The following ATL1 variants were observed in gnomAD, a reference collection of about 807,000 sequenced individuals.
ATL1 encodes the protein atlastin GTPase 1, also known as atlastin-1.
In ATL1, 31 loss-of-function variants were observed where a neutral mutation model predicts 75.5. The observed-to-expected ratio is 0.41, with a 90% CI of 0.31 to 0.55. The LOEUF is 0.55. Ranked by LOEUF, ATL1 falls within the 20% of genes least tolerant of loss-of-function variation. ATL1 has a pLI of 0.27. For missense variants in ATL1, 405 were observed against 662.6 expected (o/e 0.61, Z 4.27); for synonymous variants, 226 against 233.3 (o/e 0.97, Z 0.28).
At chr14:50,612,859 T>C (rs2039378759) in intron 6 of ATL1, among the ~76,000 whole-genome samples, 3 of 152,170 alleles carry the variant, frequency 2.0e-5, no homozygotes, top group Admixed American at 1.3e-4. Context: ...ATTAAAACAA[T>C]TTCTTTATAA....
intron 1 of ATL1, among the ~76,000 whole-genome samples, chr14:50,552,142 ATAAATGAG>A (rs2038710530): frequency 6.6e-6 from 1 of 152,238 alleles, no homozygotes; most frequent in Non-Finnish European, 1.5e-5. Context: ...TCTAGACCTG[ATAAATGAG>A]TTCAGTAAAG....
At chr14:50,580,402 GGTTTT>G (rs1427003723) in intron 1 of ATL1, among the ~76,000 whole-genome samples, 1 of 151,596 alleles carries the variant, frequency 6.6e-6, no homozygotes, top group Non-Finnish European at 1.5e-5. Context: ...AGGTTTTTTT[GGTTTT>G]GTTTTCTTTC....
chr14:50,588,314 T>G (rs1241089899), intron 2 of ATL1, among the ~76,000 whole-genome samples: 1 of 152,244 alleles, frequency 6.6e-6, no homozygotes, highest in Non-Finnish European at 1.5e-5. Flanking sequence ...ACTTATATTT[T>G]TATTCTTTTA....
At chr14:50,620,769 A>G in intron 9 of ATL1, 43 bp downstream of exon 9, 1 of 1,607,694 alleles carries the variant, frequency 6.2e-7, no homozygotes. Context: ...TAGATTTGAC[A>G]TATATTGGAT....
chr14:50,593,013 C>CA (rs1210436237), intron 4 of ATL1, among the ~76,000 whole-genome samples: 5 of 144,520 alleles, frequency 3.5e-5, no homozygotes, highest in African/African-American at 1.3e-4. Flanking sequence ...ATATAATGTA[C>CA]AATATGATAT....
chr14:50,586,174 A>G (rs777676953), intron 1 of ATL1, among the ~76,000 whole-genome samples: 3 of 152,178 alleles, frequency 2.0e-5, no homozygotes, highest in Non-Finnish European at 4.4e-5. Context: ...AGATATTTTC[A>G]AAAATTTAGA....
intron 1 of ATL1, among the ~76,000 whole-genome samples, chr14:50,539,358 T>C (rs1276481258): frequency 6.6e-6 from 1 of 152,216 alleles, no homozygotes; most frequent in Non-Finnish European, 1.5e-5. Context: ...TGAGAGTACA[T>C]GAAAACAAGA....
chr14:50,620,215 A>G (rs2039454130), intron 8 of ATL1, among the ~76,000 whole-genome samples: 2 of 152,240 alleles, frequency 1.3e-5, no homozygotes, highest in South Asian at 4.1e-4. Context: ...CTGAGATTGC[A>G]CCACTGCACT....
intron 1 of ATL1, among the ~76,000 whole-genome samples, chr14:50,541,883 T>G (rs2038565607): frequency 6.6e-6 from 1 of 151,306 alleles, no homozygotes; most frequent in African/African-American, 2.4e-5. Context: ...GGCGAGTGCC[T>G]GTAGTCCCAG....
chr14:50,573,492 A>G (rs750047422), intron 1 of ATL1, among the ~76,000 whole-genome samples: 6 of 152,232 alleles, frequency 3.9e-5, no homozygotes, highest in Admixed American at 1.3e-4. Flanking sequence ...TGAGCAGTTC[A>G]TGTTCATAGA....
At chr14:50,533,191 G>A (rs2038443508) in exon 1 of ATL1, 1 of 152,198 alleles carries the variant, frequency 6.6e-6, no homozygotes, top group South Asian at 2.1e-4. Flanking sequence ...TGTCCCTGTT[G>A]GGCACACGCA....
At position 50,541,685 on chromosome 14, in the gene ATL1, A is replaced by G. The variant is rs956135910; in HGVS notation, c.-140+8318A>G. Among the ~76,000 whole-genome samples the G allele has an allele frequency of 9.2e-5, 14 of 152,226 alleles. No individual in the cohort carries two copies. In the Middle Eastern group the frequency reaches 0.01, roughly 111 times the overall value. On this transcript the variant is annotated intron_variant, in intron 1 of 13. Transcript: ENST00000441560. ...ACTGTATGGAGTCTCTTGCAACCCC[A>G]GTAGGAGAATCCCAATGCAGACCCC...
rs2039157046 is a variant in ATL1 at position 50,591,443 on chromosome 14, T to C, written c.418-92T>C. The C allele has an allele frequency of 3.6e-6, 3 of 828,442 alleles. No individual in the cohort carries two copies. In the South Asian group the frequency reaches 4.5e-5, roughly 12 times the overall value. 51.3% of individuals were successfully genotyped at this position (828,442 alleles called of 1,614,324 possible). On this transcript the variant is annotated intron_variant, in intron 3 of 13. Coordinates refer to ENST00000358385, the MANE Select transcript of ATL1 (RefSeq NM_015915.5). Reference sequence around the variant, plus strand: ...TATCTAAAATAGTATTGATTAATAATGGTTTGCTTTAGTTCTTATATTAAT... The same window carrying C: ...TATCTAAAATAGTATTGATTAATAACGGTTTGCTTTAGTTCTTATATTAAT...
chr14:50,619,458 C>T (rs58284619), intron 8 of ATL1, among the ~76,000 whole-genome samples: 26,762 of 152,150 alleles, frequency 0.18, 2,801 homozygotes, highest in African/African-American at 0.29. Context: ...CTGCCTCGGC[C>T]TCCCAAAGTG....
At chr14:50,623,748 C>G (rs2039490526) in intron 11 of ATL1, among the ~76,000 whole-genome samples, 1 of 152,048 alleles carries the variant, frequency 6.6e-6, no homozygotes, top group African/African-American at 2.4e-5. Flanking sequence ...ATTATTTTCT[C>G]TTGAAAATGT....
intron 1 of ATL1, among the ~76,000 whole-genome samples, chr14:50,551,069 A>G (rs2038696547): frequency 6.6e-6 from 1 of 152,188 alleles, no homozygotes; most frequent in Admixed American, 6.5e-5. Context: ...AAAAAAATTC[A>G]AGACAGATGA....
In ATL1 at chr14:50,614,417, C is replaced by T. The variant is rs1007510767; in HGVS notation, c.768C>T (p.His256=). The part of the protein sequence containing the change: ...QHEELQNVRK[H]IHSCFTNISC... ...AAGAACTACAGAACGTCAGAAAACA[C>T]ATCCATTCCTGTTTCACCAACATTT... Residue 256 remains histidine (H), a synonymous_variant, in exon 8 of 14, where the codon CAC becomes CAT. Coordinates refer to ENST00000358385, the MANE Select transcript of ATL1 (RefSeq NM_015915.5). 6.2e-7 allele frequency: 1 copy of T among 1,614,018 alleles called. No individual in the cohort carries two copies.
At chr14:50,587,081 G>T (rs2039108834) in intron 1 of ATL1, among the ~76,000 whole-genome samples, 1 of 152,118 alleles carries the variant, frequency 6.6e-6, no homozygotes, top group Admixed American at 6.5e-5. Flanking sequence ...GAGAATCTGT[G>T]ATTCTGAGCC....
upstream of ATL1, chr14:50,558,978 T>C (rs1595578476): frequency 6.6e-6 from 1 of 151,964 alleles, no homozygotes; most frequent in Admixed American, 6.6e-5. Context: ...GGTGGGGGAG[T>C]TTGTTTTCAG....
Sources: allele counts gnomAD v4.1 joint callset (sites outside exome capture counted in the v4.1 genomes callset), GRCh38; gene constraint gnomAD v4.1.1; transcripts MANE v1.5; gene names NCBI Gene and HGNC (gene_info 2026-07-23, HGNC 2026-07-21).